Variants in PBX1 observed in about 807,000 individuals in gnomAD.
The protein encoded by PBX1 is PBX homeobox 1.
Under a neutral mutation model 53.4 loss-of-function variants are expected in PBX1, and 6 were observed. The observed-to-expected ratio is 0.11, with a 90% confidence interval of 0.06 to 0.22. The LOEUF (loss-of-function observed/expected upper bound fraction) is 0.22. Ranked by LOEUF, PBX1 falls within the 10% of genes least tolerant of loss-of-function variation. The pLI, the probability that PBX1 is intolerant of heterozygous loss-of-function variation, is 1.00. For missense variants in PBX1, 251 were observed against 551.4 expected (o/e 0.46, Z 5.46); for synonymous variants, 204 against 212.3 (o/e 0.96, Z 0.34).
At chr1:164,681,605 ATAGAAAGT>A (rs1376131167) in intron 2 of PBX1, among the ~76,000 whole-genome samples, 1 of 152,222 alleles carries the variant, frequency 6.6e-6, no homozygotes, top group Non-Finnish European at 1.5e-5. Flanking sequence ...AAGCCAGAAC[ATAGAAAGT>A]AAATGAAAAC....
chr1:164,574,975 A>G (rs1469480975), intron 2 of PBX1, among the ~76,000 whole-genome samples: 2 of 138,966 alleles, frequency 1.4e-5, no homozygotes, highest in African/African-American at 5.7e-5. Context: ...GAGTGAGACT[A>G]AAAAAAAAAA....
intron 8 of PBX1, among the ~76,000 whole-genome samples, chr1:164,830,224 A>G (rs1329942427): frequency 6.6e-6 from 1 of 152,196 alleles, no homozygotes; most frequent in Admixed American, 6.5e-5. Context: ...GGAAGAAATA[A>G]TTTACTAATC....
chr1:164,830,709 GT>G (rs1477757568), intron 8 of PBX1, among the ~76,000 whole-genome samples: 2 of 152,246 alleles, frequency 1.3e-5, no homozygotes, highest in South Asian at 4.1e-4. Flanking sequence ...ATAAGATAGA[GT>G]CTTTGTTTCA....
At chr1:164,725,988 C>T (rs1455371739) in intron 2 of PBX1, among the ~76,000 whole-genome samples, 1 of 152,172 alleles carries the variant, frequency 6.6e-6, no homozygotes, top group African/African-American at 2.4e-5. Flanking sequence ...ATTTTCTTCT[C>T]TTGTGTTCAA....
chr1:164,879,787 T>A (rs1296666202), intron 2 of PBX1, among the ~76,000 whole-genome samples: 1 of 152,222 alleles, frequency 6.6e-6, no homozygotes, highest in African/African-American at 2.4e-5. Context: ...TCAAATCTAC[T>A]TATTTTAACA....
intron 2 of PBX1, among the ~76,000 whole-genome samples, chr1:164,691,532 A>G (rs1662487639): frequency 6.6e-6 from 1 of 152,186 alleles, no homozygotes; most frequent in Non-Finnish European, 1.5e-5. Flanking sequence ...GCAAGAACTT[A>G]TAGACAGACC....
intron 2 of PBX1, among the ~76,000 whole-genome samples, chr1:164,740,594 A>G (rs1041904167): frequency 6.6e-6 from 1 of 152,198 alleles, no homozygotes; most frequent in African/African-American, 2.4e-5. Flanking sequence ...TGTAGTTAGT[A>G]TATTTACTGA....
At chr1:164,737,677 C>G (rs983812734) in intron 2 of PBX1, among the ~76,000 whole-genome samples, 1 of 152,086 alleles carries the variant, frequency 6.6e-6, no homozygotes, top group African/African-American at 2.4e-5. Context: ...CAGGGTTTCA[C>G]CATGTTGGCC....
intron 2 of PBX1, chr1:164,684,630 A>T (rs1019221514): frequency 2.6e-5 from 4 of 152,214 alleles, no homozygotes; most frequent in African/African-American, 9.6e-5. Context: ...GAGCATCAAG[A>T]TACATGAAGA....
At chr1:164,768,686 C>T (rs1187612172) in intron 2 of PBX1, among the ~76,000 whole-genome samples, 1 of 152,198 alleles carries the variant, frequency 6.6e-6, no homozygotes, top group African/African-American at 2.4e-5. Flanking sequence ...TCTTTCTACC[C>T]AGTGTACCCA....
chr1:164,611,113 C>T (rs1656892317), intron 2 of PBX1, among the ~76,000 whole-genome samples: 1 of 152,212 alleles, frequency 6.6e-6, no homozygotes, highest in African/African-American at 2.4e-5. Flanking sequence ...CAGCCTTTCA[C>T]TTTGAAATGC....
chr1:164,851,985 C>T (rs1430499649), downstream of PBX1, among the ~76,000 whole-genome samples: 1 of 152,066 alleles, frequency 6.6e-6, no homozygotes, highest in East Asian at 1.9e-4. Flanking sequence ...TTATGGACCA[C>T]CTTCTTCACT....
rs1228355728 is a variant in PBX1, at chr1:164,725,345, A to T, written c.266-67149A>T. Among the ~76,000 whole-genome samples, 6 of 152,224 alleles carry T rather than the reference A, an allele frequency of 3.9e-5. No individual in the cohort carries two copies. In the South Asian group the frequency reaches 8.3e-4, roughly 21 times the overall value. ...TATTTGTCCCTCACATAGCGGCTTG[A>T]TCTGTCTGCCTGTGTGTTCACATAG... On this transcript the variant is annotated intron_variant, in intron 2 of 8. Transcript: ENST00000420696.
At chr1:164,579,875 C>T (rs1389940812) in intron 2 of PBX1, among the ~76,000 whole-genome samples, 2 of 152,032 alleles carry the variant, frequency 1.3e-5, no homozygotes, top group East Asian at 1.9e-4. Context: ...TTAGGTACAG[C>T]GCTATTATTA....
At chr1:164,651,517 C>T (rs974922811) in intron 2 of PBX1, among the ~76,000 whole-genome samples, 4 of 152,098 alleles carry the variant, frequency 2.6e-5, no homozygotes, top group Non-Finnish European at 4.4e-5. Context: ...CTCCCCACCT[C>T]GTTACCAAAG....
At position 164,815,142 on chromosome 1, in the gene PBX1, A is replaced by G. The variant is rs377305507; in HGVS notation, c.997+2993A>G. 3 of 152,364 alleles carry G rather than the reference A, an allele frequency of 2.0e-5. No homozygotes were observed. The East Asian group carries it at 5.8e-4, about 29-fold the overall frequency. 9.4% of individuals were successfully genotyped at this position (152,364 alleles called of 1,614,324 possible). A position where few individuals can be genotyped will look rare whatever the true frequency, so the allele number is the denominator to read the frequency against. ...CTTCTGTAGTGGCCTAGAGTAATGCATTCTTAATTTCTTAATTTCGATGAG... is the reference window on the plus strand; with the variant it reads ...CTTCTGTAGTGGCCTAGAGTAATGCGTTCTTAATTTCTTAATTTCGATGAG... On this transcript the variant is annotated intron_variant, in intron 6 of 8. Coordinates refer to ENST00000420696, the MANE Select transcript of PBX1 (RefSeq NM_002585.4).
chr1:164,625,969 CT>C (rs1557899728), intron 2 of PBX1: 1 of 1,040,634 alleles, frequency 9.6e-7, no homozygotes, highest in Non-Finnish European at 1.2e-6. Context: ...CCTCATTGTT[CT>C]TTTTGGTGAC....
At chr1:164,616,704 C>G (rs1272975270) in intron 2 of PBX1, among the ~76,000 whole-genome samples, 1 of 152,106 alleles carries the variant, frequency 6.6e-6, no homozygotes. Context: ...ATTGCATGTT[C>G]CCAATGCTAA....
At chr1:164,731,134 A>G (rs750229396) in intron 2 of PBX1, among the ~76,000 whole-genome samples, 3 of 152,100 alleles carry the variant, frequency 2.0e-5, no homozygotes, top group Non-Finnish European at 4.4e-5. Context: ...TTTCTGACAT[A>G]TGGGCAACAG....
Sources: allele counts gnomAD v4.1 joint callset (sites outside exome capture counted in the v4.1 genomes callset), GRCh38; gene constraint gnomAD v4.1.1; transcripts MANE v1.5; gene names NCBI Gene and HGNC (gene_info 2026-07-23, HGNC 2026-07-21).